REDIC1: variants seen among roughly 807,000 people sequenced by gnomAD.
REDIC1 encodes the protein regulator of DNA class I crossover intermediates 1.
the REDIC1 span, among the ~76,000 whole-genome samples, chr12:39,813,462 C>A: frequency 6.6e-6 from 1 of 152,090 alleles, no homozygotes; most frequent in Non-Finnish European, 1.5e-5. Context: ...TACTCTGAAG[C>A]AAATTTCAGA....
At chr12:39,844,152 A>G in the REDIC1 span, among the ~76,000 whole-genome samples, 2 of 152,090 alleles carry the variant, frequency 1.3e-5, no homozygotes, top group Non-Finnish European at 2.9e-5. Flanking sequence ...TGCAACACAC[A>G]TGCCTCCTTC....
the REDIC1 span, among the ~76,000 whole-genome samples, chr12:39,881,260 G>A: frequency 6.6e-6 from 1 of 152,080 alleles, no homozygotes. Flanking sequence ...TTCTTCATAT[G>A]TGTCTTTCAG....
At chr12:39,711,713 A>ATG in the REDIC1 span, among the ~76,000 whole-genome samples, 119 of 11,280 alleles carry the variant, frequency 0.011, 4 homozygotes, top group Non-Finnish European at 0.019. Flanking sequence ...ATACACATGC[A>ATG]TGTGTATGCA....
chr12:39,684,260 GAA>G, the REDIC1 span: 1 of 979,376 alleles, frequency 1.0e-6, no homozygotes, highest in Non-Finnish European at 1.2e-6. Context: ...AGTAACTAAA[GAA>G]AACTTTATTT....
the REDIC1 span, chr12:39,641,113 A>G: frequency 3.6e-5 from 27 of 756,070 alleles, no homozygotes; most frequent in Admixed American, 1.5e-4. Context: ...TTGGTCTTCT[A>G]CATCCTTGTT....
chr12:39,737,271 G>A, the REDIC1 span, among the ~76,000 whole-genome samples: 3 of 152,160 alleles, frequency 2.0e-5, no homozygotes, highest in Admixed American at 1.3e-4. Context: ...CCCCTTGAAA[G>A]TTTGTTCTTG....
chr12:39,896,385 T>TAC, the REDIC1 span, among the ~76,000 whole-genome samples: 48 of 123,090 alleles, frequency 3.9e-4, no homozygotes, highest in African/African-American at 1.7e-3. Context: ...TATATGTATG[T>TAC]ATATGTGTAT....
At chr12:39,814,872 C>T in the REDIC1 span, among the ~76,000 whole-genome samples, 6 of 151,928 alleles carry the variant, frequency 3.9e-5, no homozygotes, top group South Asian at 4.1e-4. Flanking sequence ...CATTATCAAT[C>T]GCTTTATCCT....
the REDIC1 span, among the ~76,000 whole-genome samples, chr12:39,821,393 G>A: frequency 2.0e-5 from 3 of 151,926 alleles, no homozygotes; most frequent in East Asian, 3.9e-4. Flanking sequence ...CTGGGTAACA[G>A]AGCAAGACTC....
chr12:39,629,944 A>T, the REDIC1 span, among the ~76,000 whole-genome samples: 8 of 151,454 alleles, frequency 5.3e-5, no homozygotes, highest in Non-Finnish European at 8.8e-5. Flanking sequence ...TCCTTTTTTG[A>T]CAAAATTAAA....
chr12:39,727,470 G>A, the REDIC1 span, among the ~76,000 whole-genome samples: 1 of 152,050 alleles, frequency 6.6e-6, no homozygotes, highest in Non-Finnish European at 1.5e-5. Context: ...TAGATGTGTG[G>A]CATTATTTCT....
At chr12:39,700,366 C>T in the REDIC1 span, among the ~76,000 whole-genome samples, 8 of 151,770 alleles carry the variant, frequency 5.3e-5, no homozygotes, top group East Asian at 7.7e-4. Flanking sequence ...TGAAATGAAG[C>T]GAGAAGGGAA....
the REDIC1 span, among the ~76,000 whole-genome samples, chr12:39,740,719 A>G: frequency 6.6e-6 from 1 of 152,176 alleles, no homozygotes; most frequent in Non-Finnish European, 1.5e-5. Flanking sequence ...CCAAACAACT[A>G]TATCTGTTCA....
the REDIC1 span, among the ~76,000 whole-genome samples, chr12:39,906,210 A>G: frequency 4.6e-5 from 7 of 152,110 alleles, no homozygotes; most frequent in Non-Finnish European, 2.9e-5. Flanking sequence ...CAATTCTTGA[A>G]GTCAGTAATT....
the REDIC1 span, among the ~76,000 whole-genome samples, chr12:39,655,879 T>G: frequency 6.6e-6 from 1 of 152,192 alleles, no homozygotes; most frequent in East Asian, 1.9e-4. Flanking sequence ...CTGAAATGGT[T>G]GTTTTTGCAC....
At chr12:39,775,532 T>G in the REDIC1 span, among the ~76,000 whole-genome samples, 2 of 152,202 alleles carry the variant, frequency 1.3e-5, no homozygotes, top group African/African-American at 2.4e-5. Context: ...TCTAAGAAAA[T>G]GTTTAGACTC....
chr12:39,733,887 C>T, the REDIC1 span, among the ~76,000 whole-genome samples: 42 of 152,302 alleles, frequency 2.8e-4, 1 homozygote, highest in South Asian at 8.1e-3. Flanking sequence ...TCCCTGGCTT[C>T]AGCCCCCTTT....
the REDIC1 span, among the ~76,000 whole-genome samples, chr12:39,711,924 T>A: frequency 8.0e-6 from 1 of 124,290 alleles, no homozygotes; most frequent in Non-Finnish European, 1.8e-5. Flanking sequence ...TACACATACA[T>A]GTCTATATGT....
At chr12:39,708,456 AT>A in the REDIC1 span, among the ~76,000 whole-genome samples, 1 of 151,540 alleles carries the variant, frequency 6.6e-6, no homozygotes, top group Non-Finnish European at 1.5e-5. Flanking sequence ...AAATTGATCA[AT>A]TTTTTCTTTT....
Sources: allele counts gnomAD v4.1 joint callset (sites outside exome capture counted in the v4.1 genomes callset), GRCh38; gene constraint gnomAD v4.1.1; transcripts MANE v1.5; gene names NCBI Gene and HGNC (gene_info 2026-07-23, HGNC 2026-07-21).